The following INSYN2B variants were observed in gnomAD, a reference collection of about 807,000 sequenced individuals.
INSYN2B encodes inhibitory synaptic factor family member 2B.
INSYN2B carries 16 observed loss-of-function variants against 41.2 expected under a neutral mutation model. That is an observed-to-expected ratio of 0.39 (90% confidence interval 0.26 to 0.59). INSYN2B has a LOEUF of 0.59. INSYN2B is among the 20% of genes least tolerant of loss of function. The probability of loss-of-function intolerance (pLI) is 0.57; values close to 1 mark genes in which losing one functional copy is unlikely to be tolerated. For synonymous variants in INSYN2B, 245 were observed against 244.4 expected (o/e 1.00, Z -0.02); for missense variants, 608 against 646.4 (o/e 0.94, Z 0.64).
At chr5:169,901,273 G>T (rs1237116539) in intron 1 of INSYN2B, among the ~76,000 whole-genome samples, 3 of 152,198 alleles carry the variant, frequency 2.0e-5, no homozygotes, top group Non-Finnish European at 4.4e-5. Flanking sequence ...ACAGCTAAAG[G>T]AAAGGCCAGC....
chr5:169,895,518 A>C (rs546044631), intron 1 of INSYN2B, among the ~76,000 whole-genome samples: 15 of 152,070 alleles, frequency 9.9e-5, no homozygotes, highest in Non-Finnish European at 2.2e-4. Context: ...GCCAGCAGCC[A>C]GCATTCACGC....
At chr5:169,870,621 A>C (rs529726579) in intron 3 of INSYN2B, among the ~76,000 whole-genome samples, 1 of 151,666 alleles carries the variant, frequency 6.6e-6, no homozygotes, top group East Asian at 1.9e-4. Flanking sequence ...TTATTATTAT[A>C]CTTTAAGTTT....
intron 3 of INSYN2B, among the ~76,000 whole-genome samples, chr5:169,864,768 G>A (rs1286112596): frequency 1.3e-5 from 2 of 152,152 alleles, no homozygotes; most frequent in South Asian, 2.1e-4. Flanking sequence ...TGGGGTTTTG[G>A]CATGTGTTAT....
At chr5:169,901,417 G>A (rs1561808378) in intron 1 of INSYN2B, among the ~76,000 whole-genome samples, 1 of 152,090 alleles carries the variant, frequency 6.6e-6, no homozygotes. Context: ...GGTTTACGAA[G>A]GGTGTGTGTG....
At chr5:169,979,758 C>A (rs767410414) in intron 1 of INSYN2B, among the ~76,000 whole-genome samples, 1 of 152,166 alleles carries the variant, frequency 6.6e-6, no homozygotes, top group African/African-American at 2.4e-5. Context: ...GGTTTTTCTA[C>A]GTGGTAGTGA....
rs56040572 is a variant in INSYN2B at position 169,939,203 on chromosome 5, C to CTTTTTT, written c.-919+41068_-919+41073dup. 7.5e-3 allele frequency among the ~76,000 whole-genome samples: 1,075 copies of CTTTTTT among 143,700 alleles called. 44 individuals are homozygous for CTTTTTT. In the East Asian group the frequency reaches 0.13, roughly 17 times the overall value. The allele number at this position is 143,700 out of a possible 152,430, so 94.3% of individuals were successfully genotyped here. On this transcript the variant is annotated intron_variant, in intron 1 of 3. Coordinates refer to ENST00000377365, the MANE Select transcript of INSYN2B (RefSeq NM_001129891.3). ...ACAGGCGTGAGCCACTGTGCCCGGCCTTTTTTTTTTTTTTAAACTTTTTAA... is the reference window on the plus strand; with the variant it reads ...ACAGGCGTGAGCCACTGTGCCCGGCCTTTTTTTTTTTTTTTTTTTTAAACTTTTTAA...
intron 3 of INSYN2B, among the ~76,000 whole-genome samples, chr5:169,864,997 T>C (rs1272381396): frequency 6.6e-6 from 1 of 152,242 alleles, no homozygotes; most frequent in Non-Finnish European, 1.5e-5. Flanking sequence ...TAGCTTCTAT[T>C]ACCGCTATCA....
chr5:169,901,536 A>G (rs1751226796), intron 1 of INSYN2B, among the ~76,000 whole-genome samples: 1 of 152,136 alleles, frequency 6.6e-6, no homozygotes, highest in African/African-American at 2.4e-5. Context: ...TGGATGGGGC[A>G]AAAGTGGAAG....
intron 1 of INSYN2B, among the ~76,000 whole-genome samples, chr5:169,961,192 G>A (rs1297381041): frequency 6.6e-6 from 1 of 152,160 alleles, no homozygotes; most frequent in African/African-American, 2.4e-5. Flanking sequence ...GGGCATAAAT[G>A]GGTAGCCCCC....
intron 1 of INSYN2B, among the ~76,000 whole-genome samples, chr5:169,891,490 G>T (rs1356518985): frequency 2.0e-5 from 3 of 152,192 alleles, no homozygotes; most frequent in Non-Finnish European, 4.4e-5. Context: ...TCCCTTAGCA[G>T]TAAAATCAGC....
chr5:169,944,069 C>T (rs527633703), intron 1 of INSYN2B, among the ~76,000 whole-genome samples: 1 of 152,242 alleles, frequency 6.6e-6, no homozygotes, highest in Admixed American at 6.5e-5. Context: ...GTGCCAGGAC[C>T]GGGGTAAGCA....
chr5:169,930,397 C>T (rs902310024), intron 1 of INSYN2B, among the ~76,000 whole-genome samples: 1 of 152,160 alleles, frequency 6.6e-6, no homozygotes, highest in Non-Finnish European at 1.5e-5. Flanking sequence ...TGTCTGGGCT[C>T]GAGGGACCTC....
At chr5:169,945,050 C>G (rs1055971100) in intron 1 of INSYN2B, among the ~76,000 whole-genome samples, 22 of 152,188 alleles carry the variant, frequency 1.4e-4, no homozygotes, top group African/African-American at 4.1e-4. Flanking sequence ...CTTAGCATGA[C>G]CAGGACAAAA....
intron 1 of INSYN2B, among the ~76,000 whole-genome samples, chr5:169,898,149 G>A (rs778287007): frequency 5.3e-5 from 8 of 152,298 alleles, no homozygotes; most frequent in South Asian, 2.1e-4. Context: ...TCATCAGTAC[G>A]TTCTGAGCTT....
At chr5:169,969,077 C>T (rs1310199592) in intron 1 of INSYN2B, among the ~76,000 whole-genome samples, 1 of 151,946 alleles carries the variant, frequency 6.6e-6, no homozygotes, top group African/African-American at 2.4e-5. Context: ...TTGAGCCCAG[C>T]AAGTCAAGGC....
chr5:169,895,274 C>T (rs974648461), intron 1 of INSYN2B, among the ~76,000 whole-genome samples: 1 of 152,134 alleles, frequency 6.6e-6, no homozygotes, highest in Non-Finnish European at 1.5e-5. Context: ...TTTCTCCTTT[C>T]CTCCCTTCCT....
At chr5:169,880,765 T>C (rs1772595612) in intron 3 of INSYN2B, among the ~76,000 whole-genome samples, 2 of 152,212 alleles carry the variant, frequency 1.3e-5, no homozygotes, top group Non-Finnish European at 2.9e-5. Flanking sequence ...ACTTGGGGAT[T>C]AAAACACAGA....
chr5:169,921,238 G>T (rs1775159380), intron 1 of INSYN2B, among the ~76,000 whole-genome samples: 1 of 152,164 alleles, frequency 6.6e-6, no homozygotes, highest in Non-Finnish European at 1.5e-5. Flanking sequence ...TATTCCTCCT[G>T]ATGTAAGATT....
rs1581352037 is a variant in INSYN2B at position 169,882,896 on chromosome 5, T to C, written c.1003A>G (p.Asn335Asp). 1.9e-6 allele frequency: 3 copies of C among 1,551,814 alleles called. No homozygotes were observed. Among genetic ancestry groups the C allele is most frequent in the Non-Finnish European group, 2.6e-6 (3 of 1,146,904 alleles). ...TTGAGTGACACCAGATTCTGGTGAT[T>C]GTTACTTGATGAAGGACAGTCTGAG... ...RASDCPSSSNNHQNLVSLKTN... is the reference protein window; with the variant it reads ...RASDCPSSSNDHQNLVSLKTN... The change falls in exon 2 of 4, where the codon AAT becomes GAT. Residue 335 changes from asparagine to aspartate, a missense_variant. Physicochemically the swap from Asn to Asp is conservative, Grantham distance 23 (BLOSUM62 1). Coordinates refer to ENST00000377365, the MANE Select transcript of INSYN2B (RefSeq NM_001129891.3).
Sources: allele counts gnomAD v4.1 joint callset (sites outside exome capture counted in the v4.1 genomes callset), GRCh38; gene constraint gnomAD v4.1.1; transcripts MANE v1.5; gene names NCBI Gene and HGNC (gene_info 2026-07-23, HGNC 2026-07-21).